Variants in RNF216 observed in about 807,000 individuals in gnomAD.
RNF216 encodes E3 ubiquitin-protein ligase RNF216.
A neutral mutation model predicts 110.8 loss-of-function variants in RNF216; 72 were observed. The ratio of observed to expected loss-of-function variants is 0.65; its 90% CI spans 0.54 to 0.79. The LOEUF (loss-of-function observed/expected upper bound fraction) is 0.79, where lower values mean the gene tolerates loss of function less well. Ranked by LOEUF, RNF216 falls within the 30% of genes least tolerant of loss-of-function variation. RNF216 has a pLI of 0.00. For missense variants in RNF216, 1,342 were observed against 1,141.2 expected (o/e 1.18, Z -2.54); for synonymous variants, 495 against 407.5 (o/e 1.21, Z -2.59).
intron 13 of RNF216, among the ~76,000 whole-genome samples, chr7:5,655,520 T>C (rs974241819): frequency 1.5e-4 from 23 of 151,950 alleles, no homozygotes; most frequent in African/African-American, 5.1e-4. Flanking sequence ...GCAGGAGAAT[T>C]GCTTGAACCT....
Position 5,741,640 on chromosome 7 carries a change from T to G in RNF216, c.377A>C (p.Asp126Ala), listed in dbSNP as rs146477262. The G allele has an allele frequency of 5.0e-6, 8 of 1,614,138 alleles. No individual in the cohort carries two copies. In the Admixed American group the frequency reaches 1.3e-4, roughly 27 times the overall value. Residue 126 changes from aspartate (D) to alanine (A), a missense_variant, in exon 4 of 17, where the codon GAT (aspartate) becomes GCT (alanine). Physicochemically the swap from Asp to Ala is moderately radical, Grantham distance 126. Coordinates refer to ENST00000389902, the MANE Select transcript of RNF216 (RefSeq NM_207111.4). Reference protein sequence around the residue: ...NPLFDSGAQDDSEDDYGEFLD... With the variant: ...NPLFDSGAQDASEDDYGEFLD... ...AAATTCACCGTAGTCATCCTCAGAA[T>G]CATCCTGTGCCCCAGAATCAAACAA...
At chr7:5,695,997 T>A (rs1791603889) in intron 13 of RNF216, among the ~76,000 whole-genome samples, 1 of 152,076 alleles carries the variant, frequency 6.6e-6, no homozygotes, top group Non-Finnish European at 1.5e-5. Flanking sequence ...AGGACTAGGC[T>A]GGGAAGGGAG....
chr7:5,693,289 C>T (rs1791443873), intron 13 of RNF216, among the ~76,000 whole-genome samples: 1 of 152,134 alleles, frequency 6.6e-6, no homozygotes, highest in Admixed American at 6.5e-5. Context: ...TCCGCAAAGC[C>T]TGAAATATTT....
At chr7:5,731,268 CT>C (rs1794073808) in intron 5 of RNF216, among the ~76,000 whole-genome samples, 1 of 152,224 alleles carries the variant, frequency 6.6e-6, no homozygotes. Context: ...AAAAGACCTT[CT>C]GTTAATTCAT....
intron 14 of RNF216, among the ~76,000 whole-genome samples, chr7:5,646,994 G>C (rs115131945): frequency 6.6e-6 from 1 of 152,160 alleles, no homozygotes; most frequent in Non-Finnish European, 1.5e-5. Flanking sequence ...TAGTCTTCTA[G>C]ATCTGTCTTG....
In RNF216 at chr7:5,739,288, T is replaced by C; in HGVS notation, c.1109A>G (p.Tyr370Cys). ...IEEIIHFKNY[Y>C]DLNVLCNFLL... ...GTAGTATACTTACACATTCAGATCATAATAATTCTTAAAATGAATTATTTC... is the reference window on the plus strand; with the variant it reads ...GTAGTATACTTACACATTCAGATCACAATAATTCTTAAAATGAATTATTTC... The change falls in exon 5 of 17, where the codon TAT becomes TGT. Residue 370 changes from tyrosine to cysteine, a missense_variant. Tyr to Cys is a radical substitution (Grantham distance 194, BLOSUM62 -2). Transcript: ENST00000389902. 2 of 1,594,328 alleles carry C rather than the reference T, an allele frequency of 1.3e-6. No individual in the cohort carries two copies. Among genetic ancestry groups the C allele is most frequent in the Non-Finnish European group, 1.7e-6 (2 of 1,174,106 alleles).
At chr7:5,748,330 G>T (rs941471390) in intron 3 of RNF216, among the ~76,000 whole-genome samples, 18 of 152,152 alleles carry the variant, frequency 1.2e-4, no homozygotes, top group African/African-American at 3.4e-4. Context: ...GGAAGCTCTG[G>T]TTAGTCTTTG....
At chr7:5,760,352 A>G (rs1290414982) in intron 2 of RNF216, 1 of 273,860 alleles carries the variant, frequency 3.7e-6, no homozygotes, top group Admixed American at 4.3e-5. Context: ...CCCCATCTCT[A>G]CTAAAAATAC....
intron 15 of RNF216, among the ~76,000 whole-genome samples, chr7:5,640,579 T>G (rs1787677425): frequency 6.6e-6 from 1 of 152,236 alleles, no homozygotes; most frequent in South Asian, 2.1e-4. Context: ...TACTGTATTT[T>G]TAAAGCTTAA....
chr7:5,724,482 T>A (rs955258205), intron 8 of RNF216, among the ~76,000 whole-genome samples: 5 of 152,208 alleles, frequency 3.3e-5, no homozygotes, highest in Non-Finnish European at 7.3e-5. Context: ...TAAATTTGGC[T>A]GAATGAAAAA....
At chr7:5,647,377 A>G (rs1481083051) in intron 14 of RNF216, among the ~76,000 whole-genome samples, 1 of 126,876 alleles carries the variant, frequency 7.9e-6, no homozygotes, top group Non-Finnish European at 1.6e-5. Context: ...TCTGTTGTTC[A>G]GGCTGGAGTA....
intron 13 of RNF216, among the ~76,000 whole-genome samples, chr7:5,657,578 AT>A (rs975356576): frequency 2.0e-5 from 3 of 151,960 alleles, no homozygotes; most frequent in Non-Finnish European, 2.9e-5. Context: ...AAAAAAAAAA[AT>A]AATAAAATAA....
chr7:5,630,048 T>C (rs1018807265), intron 15 of RNF216, among the ~76,000 whole-genome samples: 8 of 151,794 alleles, frequency 5.3e-5, no homozygotes, highest in African/African-American at 1.7e-4. Flanking sequence ...GCTACAAATC[T>C]AGGACACACC....
At chr7:5,708,700 C>G (rs950696072) in intron 13 of RNF216, among the ~76,000 whole-genome samples, 36 of 152,280 alleles carry the variant, frequency 2.4e-4, no homozygotes, top group African/African-American at 7.9e-4. Context: ...TGGTGCCTGT[C>G]TGAGGTATCA....
Position 5,752,872 on chromosome 7 carries a change from G to C in RNF216, c.175C>G (p.Leu59Val), listed in dbSNP as rs754448862. 8.1e-6 allele frequency: 13 copies of C among 1,612,288 alleles called. No individual in the cohort carries two copies. Among genetic ancestry groups the C allele is most frequent in the Non-Finnish European group, 1.1e-5 (13 of 1,179,400 alleles). ...PAPQQHEEED[L>V]DDDVILTETN... The stretch of plus-strand genomic sequence containing the variant: ...TCTGTCAGGATGACATCATCATCCA[G>C]GTCCTCTTCTTCATGCTGCTGAGGA... Residue 59 changes from leucine to valine, a missense_variant, in exon 3 of 17, where the codon CTG (leucine) becomes GTG (valine). Coordinates refer to ENST00000389902, the MANE Select transcript of RNF216 (RefSeq NM_207111.4).
intron 2 of RNF216, among the ~76,000 whole-genome samples, chr7:5,756,456 G>C (rs1795649192): frequency 6.6e-6 from 1 of 152,138 alleles, no homozygotes; most frequent in Non-Finnish European, 1.5e-5. Context: ...CTGAGCCCTA[G>C]TTATCTTGGT....
Position 5,688,598 on chromosome 7 carries a change from A to G in RNF216, c.2061+23163T>C, listed in dbSNP as rs193086374. 1.5e-4 allele frequency among the ~76,000 whole-genome samples: 23 copies of G among 152,332 alleles called. No individual in the cohort carries two copies. The East Asian group carries it at 3.7e-3, about 24-fold the overall frequency. The stretch of plus-strand genomic sequence containing the variant: ...AAAAAAGTTAAAGGCGCATGTATTT[A>G]CCAGCTTTATCCTTTACATTTATAC... On this transcript the variant is annotated intron_variant, in intron 13 of 16. Transcript: ENST00000389902.
At chr7:5,628,333 T>C (rs1786843763) in intron 15 of RNF216, among the ~76,000 whole-genome samples, 1 of 152,198 alleles carries the variant, frequency 6.6e-6, no homozygotes, top group African/African-American at 2.4e-5. Context: ...TACAATTTTA[T>C]CATAAATCAT....
At chr7:5,660,265 C>CTTTTTTTTTTTTTTTTT (rs66617363) in intron 13 of RNF216, among the ~76,000 whole-genome samples, 6 of 33,652 alleles carry the variant, frequency 1.8e-4, no homozygotes, top group Non-Finnish European at 2.4e-4. Flanking sequence ...GTTTTAAATT[C>CTTTTTTTTTTTTTTTTT]TTTTTTTTTT....
Sources: allele counts gnomAD v4.1 joint callset (sites outside exome capture counted in the v4.1 genomes callset), GRCh38; gene constraint gnomAD v4.1.1; transcripts MANE v1.5; gene names NCBI Gene and HGNC (gene_info 2026-07-23, HGNC 2026-07-21).